Variants in APBA1 observed in about 807,000 individuals in gnomAD.
APBA1 encodes amyloid beta precursor protein binding family A member 1.
A neutral mutation model predicts 86.6 loss-of-function variants in APBA1; 55 were observed. The ratio of observed to expected loss-of-function variants is 0.64; its 90% CI spans 0.51 to 0.80. APBA1 has a LOEUF of 0.80. Among genes scored for constraint, APBA1 ranks in the 30% least tolerant of loss-of-function variants. The probability of loss-of-function intolerance (pLI) is 0.00; values close to 1 mark genes in which losing one functional copy is unlikely to be tolerated. For missense variants in APBA1, 1,090 were observed against 1,183.0 expected (o/e 0.92, Z 1.15); for synonymous variants, 511 against 493.9 (o/e 1.03, Z -0.46).
At chr9:69,563,079 C>T (rs568709533) in intron 1 of APBA1, among the ~76,000 whole-genome samples, 1 of 152,332 alleles carries the variant, frequency 6.6e-6, no homozygotes, top group Non-Finnish European at 1.5e-5. Flanking sequence ...TGGGCTTCTG[C>T]AGCCCATTGG....
At chr9:69,650,260 G>A (rs1260463960) in intron 1 of APBA1, among the ~76,000 whole-genome samples, 1 of 152,158 alleles carries the variant, frequency 6.6e-6, no homozygotes, top group Non-Finnish European at 1.5e-5. Flanking sequence ...TTGTTGTGAG[G>A]ATTAAATGAG....
chr9:69,456,526 C>T, intron 7 of APBA1, 94 bp from the exon 8 acceptor site: 2 of 1,341,332 alleles, frequency 1.5e-6, no homozygotes, highest in Non-Finnish European at 2.0e-6. Flanking sequence ...GTATGGTTCG[C>T]ATGCAGGGTG....
At chr9:69,643,628 T>C (rs1245590586) in intron 1 of APBA1, among the ~76,000 whole-genome samples, 2 of 152,178 alleles carry the variant, frequency 1.3e-5, no homozygotes, top group Non-Finnish European at 2.9e-5. Context: ...AGCCCAGCCC[T>C]GCCTGGACTC....
intron 8 of APBA1, among the ~76,000 whole-genome samples, chr9:69,454,091 CACAATTCT>C (rs1156230910): frequency 2.0e-5 from 3 of 152,206 alleles, no homozygotes; most frequent in Admixed American, 6.5e-5. Flanking sequence ...GTTTTAAAAA[CACAATTCT>C]AACCTCCACT....
chr9:69,631,447 C>T (rs181854236), intron 1 of APBA1, among the ~76,000 whole-genome samples: 173 of 152,312 alleles, frequency 1.1e-3, no homozygotes, highest in African/African-American at 3.9e-3. Context: ...AACACTTTTA[C>T]ACTGTTGGTG....
At chr9:69,485,659 T>C (rs1213975923) in intron 2 of APBA1, among the ~76,000 whole-genome samples, 2 of 152,184 alleles carry the variant, frequency 1.3e-5, no homozygotes, top group Admixed American at 6.5e-5. Context: ...CGGACGTCTA[T>C]CTAGGACACA....
chr9:69,638,318 G>A (rs551039689), intron 1 of APBA1, among the ~76,000 whole-genome samples: 13 of 152,286 alleles, frequency 8.5e-5, no homozygotes, highest in East Asian at 1.9e-4. Flanking sequence ...TCAGCTCACC[G>A]CAACATCCGC....
At chr9:69,502,467 G>C (rs1835894092) in intron 2 of APBA1, among the ~76,000 whole-genome samples, 1 of 151,778 alleles carries the variant, frequency 6.6e-6, no homozygotes, top group Admixed American at 6.6e-5. Context: ...TGGGATTTCA[G>C]GGTGAAGCCT....
intron 1 of APBA1, among the ~76,000 whole-genome samples, chr9:69,542,306 G>A (rs1028189116): frequency 6.6e-6 from 1 of 152,154 alleles, no homozygotes; most frequent in African/African-American, 2.4e-5. Context: ...GGGAGTTCGC[G>A]CATGATGTAC....
At chr9:69,570,687 T>G (rs1452600674) in intron 1 of APBA1, among the ~76,000 whole-genome samples, 5 of 152,210 alleles carry the variant, frequency 3.3e-5, no homozygotes, top group Non-Finnish European at 7.3e-5. Context: ...TTGTCTTTTT[T>G]TTGTTACCTC....
intron 6 of APBA1, among the ~76,000 whole-genome samples, chr9:69,457,843 A>G (rs1204353980): frequency 1.3e-5 from 2 of 152,168 alleles, no homozygotes; most frequent in African/African-American, 2.4e-5. Context: ...ACTATAATCA[A>G]ACAGACTCAA....
At chr9:69,465,354 T>C (rs1370896603) in intron 5 of APBA1, 1 of 152,232 alleles carries the variant, frequency 6.6e-6, no homozygotes, top group Non-Finnish European at 1.5e-5. Context: ...AGGTGGCATA[T>C]CTGGTACCCA....
chr9:69,600,859 T>C (rs945926605), intron 1 of APBA1, among the ~76,000 whole-genome samples: 6 of 149,748 alleles, frequency 4.0e-5, no homozygotes, highest in African/African-American at 1.2e-4. Context: ...ATAAATAAAA[T>C]ATAAAAATAA....
chr9:69,483,138 A>AAAAAACAT (rs1261421844), intron 2 of APBA1, among the ~76,000 whole-genome samples: 1 of 150,406 alleles, frequency 6.6e-6, no homozygotes, highest in Non-Finnish European at 1.5e-5. Context: ...AATTAAGTCA[A>AAAAAACAT]AAAAACAAAA....
intron 1 of APBA1, among the ~76,000 whole-genome samples, chr9:69,608,956 T>G (rs1822528390): frequency 6.6e-6 from 1 of 152,238 alleles, no homozygotes; most frequent in Admixed American, 6.5e-5. Context: ...TATGTGTAAG[T>G]AGGTGATATC....
In APBA1 at chr9:69,441,837, C is replaced by T. The variant is rs143288901; in HGVS notation, c.2182-722G>A. 4.5e-4 allele frequency among the ~76,000 whole-genome samples: 68 copies of T among 152,236 alleles called. No homozygotes were observed. The East Asian group carries it at 0.01, about 23-fold the overall frequency. On this transcript the variant is annotated intron_variant, in intron 10 of 12. Transcript: ENST00000265381. ...CCTCTCCCTCTAAATTAAAATGGAG[C>T]GTAGAGGGAAAGCTGATCTTCGACT... is the stretch of plus-strand genomic sequence containing the variant.
intron 1 of APBA1, among the ~76,000 whole-genome samples, chr9:69,644,617 A>G (rs1823354321): frequency 6.6e-6 from 1 of 152,138 alleles, no homozygotes; most frequent in Non-Finnish European, 1.5e-5. Context: ...TCTCTTTCCA[A>G]CTTGGCCATG....
intron 1 of APBA1, among the ~76,000 whole-genome samples, chr9:69,557,047 G>A (rs1013226314): frequency 2.6e-5 from 4 of 152,138 alleles, no homozygotes; most frequent in Non-Finnish European, 5.9e-5. Context: ...CATTTATAAG[G>A]GGTTAAGAAT....
intron 1 of APBA1, among the ~76,000 whole-genome samples, chr9:69,627,452 T>C (rs1426089894): frequency 1.3e-5 from 2 of 152,114 alleles, no homozygotes; most frequent in East Asian, 3.9e-4. Context: ...AAAAGGATAA[T>C]TTGTGGGTAG....
Sources: gnomAD v4.1 joint callset for allele counts (sites outside exome capture counted in the v4.1 genomes callset) on GRCh38, gnomAD v4.1.1 for gene constraint, MANE v1.5 for transcripts, NCBI Gene and HGNC (gene_info 2026-07-23, HGNC 2026-07-21) for gene names.